GREB1: variants seen among roughly 807,000 people sequenced by gnomAD.
GREB1 encodes the protein protein GREB1.
In GREB1, 106 loss-of-function variants were observed where a neutral mutation model predicts 200.7. The observed-to-expected ratio is 0.53, with a 90% CI of 0.45 to 0.62. GREB1 has a LOEUF of 0.62. Ranked by LOEUF, GREB1 falls within the 20% of genes least tolerant of loss-of-function variation. The pLI is 0.00. For missense variants in GREB1, 2,243 were observed against 2,556.8 expected (o/e 0.88, Z 2.65); for synonymous variants, 1,132 against 1,092.4 (o/e 1.04, Z -0.72).
At chr2:11,581,806 A>C (rs1356619209) in intron 7 of GREB1, among the ~76,000 whole-genome samples, 2 of 152,204 alleles carry the variant, frequency 1.3e-5, no homozygotes, top group Admixed American at 1.3e-4. Context: ...CCAGAGAGGC[A>C]AGGCAGGTCT....
At chr2:11,614,311 G>C (rs1239897667) in intron 19 of GREB1, among the ~76,000 whole-genome samples, 2 of 151,916 alleles carry the variant, frequency 1.3e-5, no homozygotes, top group South Asian at 2.1e-4. Context: ...ATTTTTAGTA[G>C]AGATGGGGTT....
chr2:11,552,131 T>C (rs986150637), intron 1 of GREB1, among the ~76,000 whole-genome samples: 1 of 152,238 alleles, frequency 6.6e-6, no homozygotes, highest in Non-Finnish European at 1.5e-5. Flanking sequence ...TACAGACTAG[T>C]ACAGCCAGGC....
intron 1 of GREB1, among the ~76,000 whole-genome samples, chr2:11,506,344 G>A (rs1572562219): frequency 1.3e-5 from 2 of 152,288 alleles, no homozygotes; most frequent in East Asian, 1.9e-4. Context: ...CTGGGCTTGT[G>A]GCCATAGCCT....
intron 1 of GREB1, among the ~76,000 whole-genome samples, chr2:11,510,121 A>T (rs1673307894): frequency 6.6e-6 from 1 of 152,106 alleles, no homozygotes; most frequent in Non-Finnish European, 1.5e-5. Context: ...TTCCCTACTT[A>T]CTGGACTTGG....
Position 11,625,278 on chromosome 2 carries a change from G to T in GREB1, c.4272G>T (p.Leu1424=), listed in dbSNP as rs772826104. Residue 1424 remains leucine (L), a synonymous_variant, in exon 24 of 33, where the codon CTG becomes CTT. Coordinates refer to ENST00000381486, the MANE Select transcript of GREB1 (RefSeq NM_014668.4). ...IHDPKYEDAS[L]ICSHYQGIKS... is the part of the protein sequence containing the mutation. ...ACCCGAAGTATGAAGATGCCAGCCT[G>T]ATTTGTTCGCACTATCAGGGTATAA... 6.2e-7 allele frequency: 1 copy of T among 1,614,198 alleles called. No homozygotes were observed. The highest frequency in any genetic ancestry group is 1.1e-5 in the South Asian group (1 of 91,078).
intron 17 of GREB1, 79 bp from the exon 18 acceptor site, chr2:11,610,609 C>T (rs1682829473): frequency 1.3e-5 from 14 of 1,097,392 alleles, no homozygotes; most frequent in South Asian, 7.3e-5. Context: ...GGTAGAGTGA[C>T]GGATGTCTTG....
intron 23 of GREB1, among the ~76,000 whole-genome samples, chr2:11,621,621 T>G (rs1684022341): frequency 6.6e-6 from 1 of 152,216 alleles, no homozygotes; most frequent in Non-Finnish European, 1.5e-5. Flanking sequence ...TCCCAGTGGC[T>G]CATAAACTTG....
chr2:11,621,134 C>G, intron 23 of GREB1, 127 bp downstream of exon 23: 1 of 664,500 alleles, frequency 1.5e-6, no homozygotes, highest in Non-Finnish European at 2.7e-6. Context: ...TCCCAAGGAC[C>G]TTGTAGGGGG....
chr2:11,555,400 G>A (rs1454481861), intron 1 of GREB1, among the ~76,000 whole-genome samples: 1 of 152,138 alleles, frequency 6.6e-6, no homozygotes, highest in Admixed American at 6.5e-5. Context: ...TTGCAAGAGG[G>A]TTGAGCGAAA....
At chr2:11,612,204 A>G in intron 18 of GREB1, 1 of 640,054 alleles carries the variant, frequency 1.6e-6, no homozygotes, top group Non-Finnish European at 2.0e-6. Flanking sequence ...AAAAAAAAAA[A>G]AAAAAGACTT....
At chr2:11,584,448 G>A (rs1420830968) in intron 7 of GREB1, among the ~76,000 whole-genome samples, 1 of 152,118 alleles carries the variant, frequency 6.6e-6, no homozygotes, top group Non-Finnish European at 1.5e-5. Context: ...CCCAAGCGGT[G>A]GAGCTGTGGT....
intron 2 of GREB1, among the ~76,000 whole-genome samples, chr2:11,558,408 G>A (rs55995663): frequency 0.037 from 5,675 of 152,288 alleles, 216 homozygotes; most frequent in African/African-American, 0.09. Flanking sequence ...ATGTGGCACT[G>A]TCCAGGGACA....
At chr2:11,624,237 G>C (rs1684245559) in intron 23 of GREB1, among the ~76,000 whole-genome samples, 1 of 152,042 alleles carries the variant, frequency 6.6e-6, no homozygotes, top group Non-Finnish European at 1.5e-5. Flanking sequence ...ACAACTGCCA[G>C]TCCTGCAAGC....
At position 11,618,326 on chromosome 2, in the gene GREB1, G is replaced by T; in HGVS notation, c.3451G>T (p.Ala1151Ser). The change falls in exon 22 of 33, where the codon GCA becomes TCA. Residue 1151 changes from alanine (A) to serine (S), a missense_variant. By Grantham distance (99) the Ala-to-Ser change is moderately conservative (BLOSUM62 1). Coordinates refer to ENST00000381486, the MANE Select transcript of GREB1 (RefSeq NM_014668.4). ...LGGESSAQPT[A>S]LPQGEHARSP... is the part of the protein sequence containing the mutation. ...TGGCGAGTCCTCGGCTCAGCCCACA[G>T]CACTCCCCCAGGGAGAGCATGCCAG... The T allele has an allele frequency of 6.3e-7, 1 of 1,597,236 alleles. No homozygotes were observed.
chr2:11,624,500 A>G (rs966821731), intron 23 of GREB1, among the ~76,000 whole-genome samples: 1 of 152,018 alleles, frequency 6.6e-6, no homozygotes, highest in Non-Finnish European at 1.5e-5. Context: ...GCCCGCCACC[A>G]TGCCCGGCTG....
chr2:11,618,200 G>T, intron 21 of GREB1, 88 bp from the exon 22 acceptor site: 1 of 876,686 alleles, frequency 1.1e-6, no homozygotes. Flanking sequence ...TGGGATGGGT[G>T]ACTCCTGGGA....
chr2:11,542,448 C>T (rs544071372), intron 1 of GREB1, among the ~76,000 whole-genome samples: 5 of 152,224 alleles, frequency 3.3e-5, no homozygotes, highest in South Asian at 4.1e-4. Flanking sequence ...TCCACTCTCC[C>T]GTAAGAAACT....
chr2:11,526,406 C>T (rs575568240), intron 1 of GREB1, among the ~76,000 whole-genome samples: 1 of 152,130 alleles, frequency 6.6e-6, no homozygotes, highest in Non-Finnish European at 1.5e-5. Flanking sequence ...TACTTAATAT[C>T]TATAAGCCTT....
intron 1 of GREB1, among the ~76,000 whole-genome samples, chr2:11,517,676 G>C (rs994420144): frequency 1.3e-5 from 2 of 151,932 alleles, no homozygotes; most frequent in African/African-American, 2.4e-5. Flanking sequence ...TTTTGAGACA[G>C]AGTCTCGCTC....
Sources: gnomAD v4.1 joint callset for allele counts (sites outside exome capture counted in the v4.1 genomes callset) on GRCh38, gnomAD v4.1.1 for gene constraint, MANE v1.5 for transcripts, NCBI Gene and HGNC (gene_info 2026-07-23, HGNC 2026-07-21) for gene names.